SIPA1L1: variants seen among roughly 807,000 people sequenced by gnomAD.
The protein encoded by SIPA1L1 is signal induced proliferation associated 1 like 1.
A neutral mutation model predicts 162.7 loss-of-function variants in SIPA1L1; 26 were observed. That is an observed-to-expected ratio of 0.16 (90% CI 0.12 to 0.22). The LOEUF is 0.22. Among genes scored for constraint, SIPA1L1 ranks in the 10% least tolerant of loss-of-function variants. The pLI is 1.00. For missense variants in SIPA1L1, 1,874 were observed against 2,241.0 expected, an observed-to-expected ratio of 0.84 and a Z score of 3.31; for synonymous variants, 829 against 837.4, an observed-to-expected ratio of 0.99 and a Z score of 0.17.
intron 6 of SIPA1L1, among the ~76,000 whole-genome samples, chr14:71,620,483 C>A (rs1481301281): frequency 6.6e-6 from 1 of 152,142 alleles, no homozygotes; most frequent in African/African-American, 2.4e-5. Flanking sequence ...CCATCATATT[C>A]TTCCTTTTCT....
chr14:71,507,833 G>C (rs958286174), intron 2 of SIPA1L1, among the ~76,000 whole-genome samples: 3 of 152,124 alleles, frequency 2.0e-5, no homozygotes, highest in Admixed American at 6.6e-5. Flanking sequence ...TCTCTTACCA[G>C]CCAGAGGTCT....
rs2039723182 is a variant in SIPA1L1 at position 71,624,072 on chromosome 14, C to T, written c.1654C>T (p.Leu552=). The T allele has an allele frequency of 6.2e-7, 1 of 1,611,642 alleles. No homozygotes were observed. Among genetic ancestry groups the T allele is most frequent in the Non-Finnish European group, 8.5e-7 (1 of 1,178,646 alleles). ...SELMTLRGSV[L]EDAIPSTAKH... ...GCTCATGACACTGAGAGGTTCGGTC[C>T]TGGAGGACGCCATTCCGTCGACAGC... The change falls in exon 7 of 24, where the codon CTG becomes TTG. Residue 552 remains leucine (L), a synonymous_variant. Transcript: ENST00000381232.
chr14:71,495,911 A>AG (rs1555438831), intron 2 of SIPA1L1, among the ~76,000 whole-genome samples: 1 of 106,126 alleles, frequency 9.4e-6, no homozygotes, highest in Admixed American at 9.4e-5. Context: ...AAAAAAAAAA[A>AG]AAGAAGAAGA....
intron 2 of SIPA1L1, among the ~76,000 whole-genome samples, chr14:71,326,901 AG>A (rs2033887015): frequency 6.7e-6 from 1 of 148,390 alleles, no homozygotes; most frequent in African/African-American, 2.5e-5. Flanking sequence ...TAGTAAAGAC[AG>A]GGTTTCGCCA....
At chr14:71,656,193 G>T (rs189088868) in intron 8 of SIPA1L1, among the ~76,000 whole-genome samples, 1 of 152,196 alleles carries the variant, frequency 6.6e-6, no homozygotes, top group African/African-American at 2.4e-5. Flanking sequence ...GAAATGAGAC[G>T]TGGAGGACAG....
At chr14:71,521,309 C>G (rs1258436043) in intron 3 of SIPA1L1, among the ~76,000 whole-genome samples, 1 of 152,154 alleles carries the variant, frequency 6.6e-6, no homozygotes, top group Non-Finnish European at 1.5e-5. Flanking sequence ...AGGGACATCT[C>G]TGTATTTTTA....
intron 4 of SIPA1L1, among the ~76,000 whole-genome samples, chr14:71,536,986 A>G (rs1460584824): frequency 6.6e-6 from 1 of 152,148 alleles, no homozygotes; most frequent in Non-Finnish European, 1.5e-5. Flanking sequence ...GTATGGTCAT[A>G]TGCAATAGTT....
At chr14:71,434,542 A>G (rs1273216080) in intron 2 of SIPA1L1, among the ~76,000 whole-genome samples, 1 of 152,168 alleles carries the variant, frequency 6.6e-6, no homozygotes. Flanking sequence ...TCCAGGATCT[A>G]ATCCAGAAAT....
intron 2 of SIPA1L1, among the ~76,000 whole-genome samples, chr14:71,325,633 A>G (rs2033702515): frequency 6.6e-6 from 1 of 152,240 alleles, no homozygotes; most frequent in Non-Finnish European, 1.5e-5. Flanking sequence ...TTAAAGGCAT[A>G]GAGAGATGAC....
At chr14:71,623,433 A>G (rs1015022312) in intron 6 of SIPA1L1, among the ~76,000 whole-genome samples, 2 of 152,206 alleles carry the variant, frequency 1.3e-5, no homozygotes, top group African/African-American at 4.8e-5. Flanking sequence ...TGCTTAAGGT[A>G]TTAATGGAGG....
intron 18 of SIPA1L1, 56 bp downstream of exon 18, chr14:71,723,942 A>G: frequency 2.5e-6 from 4 of 1,604,008 alleles, no homozygotes; most frequent in Non-Finnish European, 3.4e-6. Context: ...GACAGAGAAT[A>G]GAAAAGCTTG....
chr14:71,432,515 C>G (rs527928595), intron 2 of SIPA1L1, among the ~76,000 whole-genome samples: 1 of 152,232 alleles, frequency 6.6e-6, no homozygotes, highest in Admixed American at 6.5e-5. Flanking sequence ...AGTATTTACA[C>G]AGAAAGGTGG....
chr14:71,539,023 T>G (rs928927947), intron 4 of SIPA1L1, among the ~76,000 whole-genome samples: 45 of 152,278 alleles, frequency 3.0e-4, no homozygotes, highest in African/African-American at 1.1e-3. Flanking sequence ...TTCTCAACTG[T>G]TTTTCAGCAC....
intron 2 of SIPA1L1, among the ~76,000 whole-genome samples, chr14:71,492,352 G>A (rs905489049): frequency 9.2e-5 from 14 of 152,190 alleles, no homozygotes; most frequent in South Asian, 6.2e-4. Flanking sequence ...AGCATAAAGG[G>A]TCAGCTTGAT....
intron 2 of SIPA1L1, among the ~76,000 whole-genome samples, chr14:71,371,690 G>A (rs547014079): frequency 2.6e-5 from 4 of 152,228 alleles, no homozygotes; most frequent in East Asian, 3.9e-4. Context: ...CTGCAACACC[G>A]TGCCTGGCCA....
intron 2 of SIPA1L1, among the ~76,000 whole-genome samples, chr14:71,493,309 G>T (rs997210763): frequency 1.4e-4 from 22 of 151,746 alleles, no homozygotes; most frequent in African/African-American, 5.1e-4. Flanking sequence ...ACCCAGGCTG[G>T]TGTTGAATCC....
intron 2 of SIPA1L1, among the ~76,000 whole-genome samples, chr14:71,331,487 A>G (rs370593049): frequency 3.3e-5 from 5 of 152,240 alleles, no homozygotes; most frequent in East Asian, 1.9e-4. Flanking sequence ...GGCAAGGAGC[A>G]TAGTAAAAGC....
chr14:71,355,010 T>C (rs1438820793), intron 2 of SIPA1L1, among the ~76,000 whole-genome samples: 3 of 152,208 alleles, frequency 2.0e-5, no homozygotes, highest in Non-Finnish European at 4.4e-5. Flanking sequence ...AGACAATGCA[T>C]ACTTGTGCTT....
intron 2 of SIPA1L1, among the ~76,000 whole-genome samples, chr14:71,430,709 G>T (rs2043923382): frequency 6.6e-6 from 1 of 152,122 alleles, no homozygotes; most frequent in East Asian, 1.9e-4. Context: ...CTCAGTTGTG[G>T]GATCACTTTG....
Sources: gnomAD v4.1 joint callset for allele counts (sites outside exome capture counted in the v4.1 genomes callset) on GRCh38, gnomAD v4.1.1 for gene constraint, MANE v1.5 for transcripts, NCBI Gene and HGNC (gene_info 2026-07-23, HGNC 2026-07-21) for gene names.